ANO3: variants seen among roughly 807,000 people sequenced by gnomAD.
The protein encoded by ANO3 is anoctamin-3.
Under a neutral mutation model 144.8 loss-of-function variants are expected in ANO3, and 99 were observed. That is an observed-to-expected ratio of 0.68 (90% CI 0.58 to 0.81). ANO3 has a LOEUF of 0.81. Among genes scored for constraint, ANO3 ranks in the 30% least tolerant of loss-of-function variants. The probability of loss-of-function intolerance (pLI) is 0.00; values close to 1 mark genes in which losing one functional copy is unlikely to be tolerated. For missense variants in ANO3, 905 were observed against 1,202.2 expected, an observed-to-expected ratio of 0.75 and a Z score of 3.66; for synonymous variants, 414 against 392.6, an observed-to-expected ratio of 1.05 and a Z score of -0.64.
At chr11:26,357,766 T>C (rs1855820519) in intron 1 of ANO3, among the ~76,000 whole-genome samples, 1 of 152,190 alleles carries the variant, frequency 6.6e-6, no homozygotes, top group Non-Finnish European at 1.5e-5. Context: ...TAACTGAGTG[T>C]CACAAATGTT....
intron 7 of ANO3, among the ~76,000 whole-genome samples, chr11:26,529,629 C>G (rs1157191198): frequency 6.7e-6 from 1 of 148,806 alleles, no homozygotes; most frequent in Non-Finnish European, 1.5e-5. Flanking sequence ...GGAAAATATT[C>G]TATCCTGCTA....
At chr11:26,657,144 A>G (rs1047158641) in intron 26 of ANO3, among the ~76,000 whole-genome samples, 1 of 152,144 alleles carries the variant, frequency 6.6e-6, no homozygotes, top group Non-Finnish European at 1.5e-5. Flanking sequence ...CTTTAAATGA[A>G]TCTGTTTTAT....
chr11:26,636,987 G>T (rs1852981900), intron 20 of ANO3, among the ~76,000 whole-genome samples: 4 of 152,152 alleles, frequency 2.6e-5, no homozygotes, highest in Admixed American at 2.0e-4. Flanking sequence ...GCTTGTCCAG[G>T]GTGATATGAT....
At chr11:26,400,927 G>A (rs1358368544) in intron 1 of ANO3, among the ~76,000 whole-genome samples, 1 of 150,622 alleles carries the variant, frequency 6.6e-6, no homozygotes, top group South Asian at 2.1e-4. Context: ...TCAAAAAAAA[G>A]AAAATACCAA....
chr11:26,332,207 G>A lies in ANO3; in HGVS notation c.-69G>A, dbSNP rs2133888814. 1 of 1,613,896 alleles carries A rather than the reference G, an allele frequency of 6.2e-7. No homozygotes were observed. On this transcript the variant is annotated 5_prime_UTR_variant, in exon 1 of 27. Transcript: ENST00000256737. ...GGCTCCGGACCTTGGAGCGTCTAGA[G>A]TCTGGCTACTGTTCCTCCGCCTCCC...
At chr11:26,655,399 T>G (rs1046113810) in intron 24 of ANO3, among the ~76,000 whole-genome samples, 1 of 152,280 alleles carries the variant, frequency 6.6e-6, no homozygotes, top group Middle Eastern at 3.4e-3. Context: ...GAAGGACTTT[T>G]CTCTCTCTGG....
At chr11:26,423,888 C>T (rs557772205) in intron 1 of ANO3, among the ~76,000 whole-genome samples, 2 of 152,054 alleles carry the variant, frequency 1.3e-5, no homozygotes, top group African/African-American at 4.8e-5. Flanking sequence ...TTCAGTTCTG[C>T]CAGTTGCTAG....
At chr11:26,535,982 C>A (rs990084168) in intron 9 of ANO3, among the ~76,000 whole-genome samples, 4 of 151,782 alleles carry the variant, frequency 2.6e-5, no homozygotes, top group Non-Finnish European at 5.9e-5. Context: ...CATACCTAAA[C>A]TTCACCAAAA....
intron 1 of ANO3, among the ~76,000 whole-genome samples, chr11:26,353,864 G>C (rs989137126): frequency 1.1e-4 from 17 of 152,206 alleles, no homozygotes; most frequent in African/African-American, 4.1e-4. Flanking sequence ...CACCGCGCCG[G>C]GCCTCAATTC....
intron 1 of ANO3, among the ~76,000 whole-genome samples, chr11:26,403,687 A>G (rs1480581144): frequency 1.3e-5 from 2 of 151,912 alleles, no homozygotes; most frequent in African/African-American, 4.8e-5. Flanking sequence ...CAGAAAGAAT[A>G]TAAGACAAAT....
At chr11:26,624,658 GA>G (rs1389708969) in intron 18 of ANO3, among the ~76,000 whole-genome samples, 160 bp downstream of exon 18, 19 of 152,252 alleles carry the variant, frequency 1.2e-4, no homozygotes, top group African/African-American at 4.1e-4. Flanking sequence ...GGTCTATATT[GA>G]ATAACAATAG....
chr11:26,289,766 T>TTCTATATGTATATATATA (rs1564950819), intron 1 of ANO3, among the ~76,000 whole-genome samples: 1 of 136,956 alleles, frequency 7.3e-6, no homozygotes, highest in African/African-American at 2.9e-5. Context: ...TGTATATATA[T>TTCTATATGTATATATATA]GTATACATAT....
chr11:26,191,292 AC>A (rs1851470838), intron 1 of ANO3, among the ~76,000 whole-genome samples: 1 of 151,368 alleles, frequency 6.6e-6, no homozygotes, highest in African/African-American at 2.4e-5. Context: ...AGAAAAAAAA[AC>A]ACATATATAT....
chr11:26,563,326 G>T, intron 14 of ANO3: 1 of 1,471,032 alleles, frequency 6.8e-7, no homozygotes, highest in East Asian at 2.5e-5. Flanking sequence ...CGAACTCTAT[G>T]CATGTGAACT....
At chr11:26,557,043 A>G (rs1215001072) in intron 13 of ANO3, among the ~76,000 whole-genome samples, 1 of 152,110 alleles carries the variant, frequency 6.6e-6, no homozygotes. Context: ...ACATTTTTTG[A>G]TTTGTAGTCA....
At chr11:26,619,859 G>T (rs1029269834) in intron 17 of ANO3, among the ~76,000 whole-genome samples, 1 of 152,014 alleles carries the variant, frequency 6.6e-6, no homozygotes, top group African/African-American at 2.4e-5. Flanking sequence ...ATACTCTCTA[G>T]TAATTCTTAT....
chr11:26,587,485 A>G (rs920047183), intron 14 of ANO3, among the ~76,000 whole-genome samples: 3 of 152,170 alleles, frequency 2.0e-5, no homozygotes, highest in South Asian at 2.1e-4. Flanking sequence ...AGAGAACTGT[A>G]CAGACATTTT....
intron 1 of ANO3, among the ~76,000 whole-genome samples, chr11:26,300,124 G>A (rs542109456): frequency 6.6e-6 from 1 of 152,172 alleles, no homozygotes; most frequent in Admixed American, 6.5e-5. Context: ...TCTGTATGCT[G>A]GCATGTTTTT....
intron 1 of ANO3, among the ~76,000 whole-genome samples, chr11:26,345,123 G>A (rs1480168847): frequency 2.0e-5 from 3 of 152,146 alleles, no homozygotes; most frequent in Admixed American, 1.3e-4. Flanking sequence ...ATGATGTTAT[G>A]TAAAAAAGTA....
Sources: gnomAD v4.1 joint callset for allele counts (sites outside exome capture counted in the v4.1 genomes callset) on GRCh38, gnomAD v4.1.1 for gene constraint, MANE v1.5 for transcripts, NCBI Gene and HGNC (gene_info 2026-07-23, HGNC 2026-07-21) for gene names.